Variants in GON4L observed in about 807,000 individuals in gnomAD.
GON4L encodes the protein gon-4 like.
A neutral mutation model predicts 211.8 loss-of-function variants in GON4L; 87 were observed. The ratio of observed to expected loss-of-function variants is 0.41; its 90% CI spans 0.35 to 0.49. The LOEUF (loss-of-function observed/expected upper bound fraction) is 0.49, where lower values mean the gene tolerates loss of function less well. GON4L is among the 20% of genes least tolerant of loss of function. The pLI, the probability that GON4L is intolerant of heterozygous loss-of-function variation, is 0.15. For missense variants in GON4L, 2,155 were observed against 2,659.5 expected (o/e 0.81, Z 4.17); for synonymous variants, 875 against 962.6 (o/e 0.91, Z 1.68).
chr1:155,856,336 T>A (rs1454461409), intron 1 of GON4L, among the ~76,000 whole-genome samples: 4 of 151,976 alleles, frequency 2.6e-5, no homozygotes, highest in Non-Finnish European at 5.9e-5. Context: ...CCAGTGACCC[T>A]CTGGCCTCGG....
chr1:155,757,107 G>A (rs1159528974), intron 26 of GON4L, 30 bp from the exon 27 acceptor site: 1 of 1,613,772 alleles, frequency 6.2e-7, no homozygotes, highest in Non-Finnish European at 8.5e-7. Context: ...GCTGAGCACA[G>A]ACACCAGGCC....
intron 12 of GON4L, among the ~76,000 whole-genome samples, chr1:155,786,047 G>C (rs1243037922): frequency 2.0e-5 from 3 of 152,042 alleles, no homozygotes; most frequent in African/African-American, 2.4e-5. Context: ...AGTGAGCCAA[G>C]ACTGCGCCAC....
At chr1:155,803,160 C>A (rs929130936) in intron 11 of GON4L, among the ~76,000 whole-genome samples, 6 of 152,078 alleles carry the variant, frequency 3.9e-5, no homozygotes, top group Non-Finnish European at 7.4e-5. Flanking sequence ...AAGGTACATT[C>A]AAGGACCTGT....
chr1:155,751,715 G>T lies in GON4L; in HGVS notation c.6576+52C>A, dbSNP rs1660608331. ...CCTTCTTTGGCCTTTCTGTCTGTTAGTTGGCCACCTTGACCTCTTTTTGCC... is the reference window on the plus strand; with the variant it reads ...CCTTCTTTGGCCTTTCTGTCTGTTATTTGGCCACCTTGACCTCTTTTTGCC... On this transcript the variant is annotated intron_variant, in intron 31 of 31. Transcript: ENST00000368331. 3.3e-6 allele frequency: 4 copies of T among 1,196,696 alleles called. No individual in the cohort carries two copies. In the Admixed American group the frequency reaches 5.7e-5, roughly 17 times the overall value. 74.1% of individuals were successfully genotyped at this position (1,196,696 alleles called of 1,614,324 possible).
At chr1:155,803,151 AGGTACATTC>A (rs1262755889) in intron 11 of GON4L, among the ~76,000 whole-genome samples, 8 of 152,206 alleles carry the variant, frequency 5.3e-5, no homozygotes, top group African/African-American at 1.4e-4. Flanking sequence ...TAGTATCATA[AGGTACATTC>A]AAGGACCTGT....
chr1:155,756,930 A>AAAAC (rs1355512737), intron 27 of GON4L, 28 bp downstream of exon 27: 1 of 1,582,078 alleles, frequency 6.3e-7, no homozygotes, highest in Non-Finnish European at 8.7e-7. Context: ...TTCTGTCTCA[A>AAAAC]AAACAAACAA....
At position 155,760,516 on chromosome 1, in the gene GON4L, G is replaced by A; in HGVS notation, c.5037C>T (p.Leu1679=). The part of the protein sequence containing the change: ...VDLYKSLQIL[L]QDWPQLLKDF... ...CTTTCAACAGCTGAGGCCAGTCTTGGAGCAGAATTTGCAGGCTTTTGTAGA... is the reference window on the plus strand; with the variant it reads ...CTTTCAACAGCTGAGGCCAGTCTTGAAGCAGAATTTGCAGGCTTTTGTAGA... Residue 1679 remains leucine (L), a synonymous_variant, in exon 24 of 32, where the codon CTC becomes CTT. Transcript: ENST00000368331. 6.2e-7 allele frequency: 1 copy of A among 1,613,690 alleles called. No homozygotes were observed. The highest frequency in any genetic ancestry group is 1.3e-5 in the African/African-American group (1 of 75,024).
chr1:155,847,896 A>G (rs979713357), intron 2 of GON4L, among the ~76,000 whole-genome samples: 5 of 152,000 alleles, frequency 3.3e-5, no homozygotes, highest in African/African-American at 1.2e-4. Context: ...CAATAAATAA[A>G]TATATACATA....
chr1:155,819,205 A>T (rs1668524355), intron 6 of GON4L, among the ~76,000 whole-genome samples: 2 of 151,990 alleles, frequency 1.3e-5, no homozygotes, highest in African/African-American at 2.4e-5. Context: ...CAGGAGGCTG[A>T]GGCAGGAGAA....
At chr1:155,846,809 C>T (rs1437297912) in intron 2 of GON4L, among the ~76,000 whole-genome samples, 2 of 151,644 alleles carry the variant, frequency 1.3e-5, no homozygotes, top group Non-Finnish European at 2.9e-5. Flanking sequence ...GTCAGGAGTT[C>T]GAGACAGCCT....
chr1:155,768,482 G>A (rs1217337289), intron 19 of GON4L, among the ~76,000 whole-genome samples: 21 of 151,500 alleles, frequency 1.4e-4, no homozygotes, highest in African/African-American at 4.6e-4. Context: ...GTGGTGGCTG[G>A]TGCCTGTAGT....
At chr1:155,830,395 A>C (rs1669645730) in intron 2 of GON4L, among the ~76,000 whole-genome samples, 1 of 151,312 alleles carries the variant, frequency 6.6e-6, no homozygotes, top group Non-Finnish European at 1.5e-5. Context: ...CTCCTGGCTC[A>C]GCCTCCCGAG....
At chr1:155,831,498 T>TA (rs966591198) in intron 2 of GON4L, 3 of 120,174 alleles carry the variant, frequency 2.5e-5, no homozygotes, top group Non-Finnish European at 5.6e-5. Flanking sequence ...AATAAATAAA[T>TA]AAAAAGTTAT....
intron 12 of GON4L, among the ~76,000 whole-genome samples, chr1:155,788,410 ACAT>A (rs1665174606): frequency 6.6e-6 from 1 of 152,174 alleles, no homozygotes; most frequent in Non-Finnish European, 1.5e-5. Context: ...ATAAAACTAA[ACAT>A]ACCCTGTGAC....
intron 10 of GON4L, among the ~76,000 whole-genome samples, chr1:155,805,430 TCA>T (rs141354948): frequency 0.065 from 9,961 of 152,258 alleles, 397 homozygotes; most frequent in African/African-American, 0.11. Context: ...TTTCATATAT[TCA>T]CAGAGTTATA....
intron 1 of GON4L, 92 bp from the exon 2 acceptor site, chr1:155,853,898 G>T: frequency 1.2e-6 from 1 of 843,162 alleles, no homozygotes; most frequent in Non-Finnish European, 1.9e-6. Context: ...GTTCGATCAT[G>T]AACACAATAC....
chr1:155,803,095 GA>G (rs35906999), intron 11 of GON4L, among the ~76,000 whole-genome samples: 2 of 152,096 alleles, frequency 1.3e-5, no homozygotes, highest in African/African-American at 4.8e-5. Context: ...CTTGTATAAA[GA>G]AAGTACTCAA....
chr1:155,820,842 G>A (rs1668667026), intron 5 of GON4L, among the ~76,000 whole-genome samples, 186 bp from the exon 6 acceptor site: 1 of 152,108 alleles, frequency 6.6e-6, no homozygotes, highest in Non-Finnish European at 1.5e-5. Flanking sequence ...AAATTAGCTG[G>A]GCATAGTCGC....
chr1:155,767,988 A>G (rs1033581489), intron 19 of GON4L, among the ~76,000 whole-genome samples: 2 of 152,120 alleles, frequency 1.3e-5, no homozygotes, highest in African/African-American at 4.8e-5. Context: ...AGGGGGGAAA[A>G]AAAGAGCCTG....
Sources: gnomAD v4.1 joint callset for allele counts (sites outside exome capture counted in the v4.1 genomes callset) on GRCh38, gnomAD v4.1.1 for gene constraint, MANE v1.5 for transcripts, NCBI Gene and HGNC (gene_info 2026-07-23, HGNC 2026-07-21) for gene names.